The following CLEC16A variants were observed in gnomAD, a reference collection of about 807,000 sequenced individuals.
The protein encoded by CLEC16A is C-type lectin domain containing 16A, also known as protein CLEC16A.
CLEC16A carries 51 observed loss-of-function variants against 109.5 expected under a neutral mutation model. The ratio of observed to expected loss-of-function variants is 0.47; its 90% CI spans 0.37 to 0.59. The LOEUF (loss-of-function observed/expected upper bound fraction) is 0.59, where lower values mean the gene tolerates loss of function less well. CLEC16A is among the 20% of genes least tolerant of loss of function. The pLI is 0.00. For synonymous variants in CLEC16A, 673 were observed against 564.2 expected (o/e 1.19, Z -2.73); for missense variants, 1,339 against 1,394.0 (o/e 0.96, Z 0.63).
At chr16:11,000,407 G>A (rs1405624701) in intron 10 of CLEC16A, among the ~76,000 whole-genome samples, 4 of 152,170 alleles carry the variant, frequency 2.6e-5, no homozygotes, top group African/African-American at 9.7e-5. Flanking sequence ...GGGACGTTTT[G>A]CCCTGCGCTT....
chr16:11,053,613 C>T (rs1472579835), intron 18 of CLEC16A, among the ~76,000 whole-genome samples: 4 of 152,244 alleles, frequency 2.6e-5, no homozygotes, highest in Admixed American at 1.3e-4. Flanking sequence ...CCAAGCGATC[C>T]GCCCACCTCG....
chr16:11,021,856 T>G (rs2046120131), intron 12 of CLEC16A, among the ~76,000 whole-genome samples: 1 of 152,158 alleles, frequency 6.6e-6, no homozygotes, highest in South Asian at 2.1e-4. Context: ...TCCTTAGGGT[T>G]TGATAAATGG....
At position 11,126,092 on chromosome 16, in the gene CLEC16A, A is replaced by G. The variant is rs749475348; in HGVS notation, c.2587A>G (p.Ser863Gly). The change falls in exon 22 of 24, where the codon AGC becomes GGC. Residue 863 changes from serine to glycine, a missense_variant. Physicochemically the swap from Ser to Gly is moderately conservative, Grantham distance 56 (BLOSUM62 0). Transcript: ENST00000409790. ...CTTCTACGACCAGGGGCGCCGGGGCAGCAGCGACCCCACAGTGCAGCGCTC... is the reference window on the plus strand; with the variant it reads ...CTTCTACGACCAGGGGCGCCGGGGCGGCAGCGACCCCACAGTGCAGCGCTC... ...FRFYDQGRRGSSDPTVQRSVF... is the reference protein window; with the variant it reads ...FRFYDQGRRGGSDPTVQRSVF... The G allele has an allele frequency of 1.1e-5, 17 of 1,613,716 alleles. No individual in the cohort carries two copies. The highest frequency in any genetic ancestry group is 1.4e-5 in the Non-Finnish European group (17 of 1,179,880).
At position 11,025,032 on chromosome 16, in the gene CLEC16A, T is replaced by C. The variant is rs975603188; in HGVS notation, c.1537+111T>C. ...AAGGTGCTTTCTGTACAGAATTTCC[T>C]TTCTGGTTTTGGTGGTCCTTTTTGG... On this transcript the variant is annotated intron_variant, in intron 13 of 23. Coordinates refer to ENST00000409790, the MANE Select transcript of CLEC16A (RefSeq NM_015226.3). 4 of 809,758 alleles carry C rather than the reference T, an allele frequency of 4.9e-6. No individual in the cohort carries two copies. In the African/African-American group the frequency reaches 6.9e-5, roughly 14 times the overall value. The allele number at this position is 809,758 out of a possible 1,614,324, so 50.2% of individuals were successfully genotyped here.
intron 22 of CLEC16A, among the ~76,000 whole-genome samples, chr16:11,142,379 G>T (rs544441754): frequency 6.6e-6 from 1 of 152,366 alleles, no homozygotes; most frequent in African/African-American, 2.4e-5. Flanking sequence ...ACGCCTGTCA[G>T]AGCGCTGTGA....
In CLEC16A at chr16:10,982,477, A is replaced by G. The variant is rs185225939; in HGVS notation, c.958-401A>G. 3.9e-5 allele frequency among the ~76,000 whole-genome samples: 6 copies of G among 152,256 alleles called. No homozygotes were observed. In the East Asian group the frequency reaches 9.7e-4, roughly 24 times the overall value. Reference sequence around the variant, plus strand: ...TCCGGCCCCTTCTTCTTGTATCACTAAAGTATTGGGACAGTGCCTTCTAGT... The same window carrying G: ...TCCGGCCCCTTCTTCTTGTATCACTGAAGTATTGGGACAGTGCCTTCTAGT... On this transcript the variant is annotated intron_variant, in intron 9 of 23. Transcript: ENST00000409790.
At chr16:11,166,251 A>G in intron 22 of CLEC16A, 137 bp from the exon 23 acceptor site, 1 of 907,434 alleles carries the variant, frequency 1.1e-6, no homozygotes, top group African/African-American at 1.7e-5. Context: ...GGCCACGACC[A>G]GTGAGGTCAG....
Position 11,178,458 on chromosome 16 carries a change from C to T in CLEC16A, c.2930C>T (p.Ala977Val), listed in dbSNP as rs74163629. 1 of 1,613,608 alleles carries T rather than the reference C, an allele frequency of 6.2e-7. No individual in the cohort carries two copies. The highest frequency in any genetic ancestry group is 8.5e-7 in the Non-Finnish European group (1 of 1,179,886). Residue 977 changes from alanine (A) to valine (V), a missense_variant, in exon 24 of 24, where the codon GCC becomes GTC. Transcript: ENST00000409790. This position sits in a 1 kb window ranked among gnomAD's most constrained non-coding sequence, Gnocchi z 6.5. ...GCCAGGAGCGCAGCCGTGGAGACAG[C>T]CAGCCTGTCCCCCAGCCTCGTCCCT... The part of the protein sequence containing the change: ...NVARSAAVET[A>V]SLSPSLVPAR...
At chr16:11,076,585 C>T (rs1017618354) in intron 19 of CLEC16A, among the ~76,000 whole-genome samples, 4 of 152,146 alleles carry the variant, frequency 2.6e-5, no homozygotes, top group African/African-American at 9.7e-5. Context: ...AGATTTGACA[C>T]AGGATCCGGT....
At chr16:11,068,042 A>T (rs2048864156) in intron 19 of CLEC16A, among the ~76,000 whole-genome samples, 1 of 152,112 alleles carries the variant, frequency 6.6e-6, no homozygotes, top group Admixed American at 6.6e-5. Flanking sequence ...CCAGGCCAGG[A>T]CTTGCCTGTT....
Position 10,944,663 on chromosome 16 carries a change from G to A in CLEC16A, c.-55G>A. 1 of 1,525,648 alleles carries A rather than the reference G, an allele frequency of 6.6e-7. No homozygotes were observed. 94.5% of individuals were successfully genotyped at this position (1,525,648 alleles called of 1,614,324 possible). The stretch of plus-strand genomic sequence containing the variant: ...GTGCTACCGCCGCGGGCGCTGGGCC[G>A]CTCTGCTGGTCCGGCATGAGACCGT... On this transcript the variant is annotated 5_prime_UTR_variant, in exon 1 of 24. Coordinates refer to ENST00000409790, the MANE Select transcript of CLEC16A (RefSeq NM_015226.3).
At chr16:11,151,759 C>A (rs1026880207) in intron 22 of CLEC16A, among the ~76,000 whole-genome samples, 1 of 152,192 alleles carries the variant, frequency 6.6e-6, no homozygotes, top group Admixed American at 6.5e-5. Flanking sequence ...AAGCTCATGG[C>A]AGCCTGCACC....
intron 19 of CLEC16A, among the ~76,000 whole-genome samples, chr16:11,087,025 A>G (rs1424275028): frequency 6.6e-6 from 1 of 152,208 alleles, no homozygotes. Flanking sequence ...ATGTACTCAC[A>G]ATTTATCCCT....
intron 19 of CLEC16A, among the ~76,000 whole-genome samples, chr16:11,081,365 G>A (rs2049705300): frequency 6.6e-6 from 1 of 152,154 alleles, no homozygotes; most frequent in Non-Finnish European, 1.5e-5. Flanking sequence ...GCCCGCTGAT[G>A]TTCCCAGGTT....
At chr16:11,121,848 C>G (rs186038528) in intron 20 of CLEC16A, among the ~76,000 whole-genome samples, 148 of 144,402 alleles carry the variant, frequency 1.0e-3, no homozygotes, top group Middle Eastern at 3.8e-3. Context: ...CCACTGCACT[C>G]CAGCCTGGGC....
intron 11 of CLEC16A, among the ~76,000 whole-genome samples, chr16:11,019,363 G>T (rs771934455): frequency 1.3e-5 from 2 of 152,162 alleles, no homozygotes; most frequent in African/African-American, 2.4e-5. Context: ...GGTTACCCTT[G>T]TTTAATGGGG....
intron 13 of CLEC16A, among the ~76,000 whole-genome samples, chr16:11,038,254 G>C (rs1360819668): frequency 6.6e-6 from 1 of 152,174 alleles, no homozygotes; most frequent in Admixed American, 6.5e-5. Flanking sequence ...CCACTATTTT[G>C]TCAAGGTTCT....
intron 17 of CLEC16A, among the ~76,000 whole-genome samples, chr16:11,048,765 C>T (rs1248665350): frequency 6.6e-6 from 1 of 152,168 alleles, no homozygotes; most frequent in Admixed American, 6.5e-5. Flanking sequence ...GAGAGAGGCT[C>T]AGTCTTCCAC....
At chr16:10,972,901 T>A in intron 6 of CLEC16A, 37 bp from the exon 7 acceptor site, 1 of 1,552,018 alleles carries the variant, frequency 6.4e-7, no homozygotes, top group Non-Finnish European at 8.7e-7. Flanking sequence ...TTATTTTTGG[T>A]AGCTTGACTT....
Sources: gnomAD v4.1 joint callset for allele counts (sites outside exome capture counted in the v4.1 genomes callset) on GRCh38, gnomAD v4.1.1 for gene constraint, Gnocchi (gnomAD v3.1) non-coding constraint, MANE v1.5 for transcripts, NCBI Gene and HGNC (gene_info 2026-07-23, HGNC 2026-07-21) for gene names.